Variants in HPSE2 observed in about 807,000 individuals in gnomAD.
HPSE2 encodes inactive heparanase-2.
In HPSE2, 38 loss-of-function variants were observed where a neutral mutation model predicts 60.5. The observed-to-expected ratio is 0.63, with a 90% CI of 0.48 to 0.82. The LOEUF is 0.82. HPSE2 is among the 40% of genes least tolerant of loss of function. The probability of loss-of-function intolerance (pLI) is 0.00; values close to 1 mark genes in which losing one functional copy is unlikely to be tolerated. For synonymous variants in HPSE2, 295 were observed against 293.2 expected, an observed-to-expected ratio of 1.01 and a Z score of -0.06; for missense variants, 713 against 740.4, an observed-to-expected ratio of 0.96 and a Z score of 0.43.
In HPSE2 at chr10:98,707,916, A is replaced by G. The variant is rs116833686; in HGVS notation, c.956+13741T>C. On this transcript the variant is annotated intron_variant, in intron 5 of 11. Transcript: ENST00000370552. ...GGGGCATTTATTGGATCTACCATAT[A>G]TTATCATGAAATTTGTAATGATTAA... is the stretch of plus-strand genomic sequence containing the variant. Among the ~76,000 whole-genome samples, 771 of 152,288 alleles carry G rather than the reference A, an allele frequency of 5.1e-3. 7 individuals are homozygous for G. Among genetic ancestry groups the G allele is most frequent in the African/African-American group, 0.017 (715 of 41,566 alleles).
chr10:98,462,608 T>C (rs1261143162), intron 11 of HPSE2, among the ~76,000 whole-genome samples: 1 of 152,212 alleles, frequency 6.6e-6, no homozygotes, highest in East Asian at 1.9e-4. Flanking sequence ...TTGGCTCCCA[T>C]GATATTTCTC....
At chr10:99,204,022 T>C (rs1848662441) in intron 2 of HPSE2, among the ~76,000 whole-genome samples, 1 of 152,190 alleles carries the variant, frequency 6.6e-6, no homozygotes, top group Middle Eastern at 3.4e-3. Flanking sequence ...GTGGATCTTA[T>C]AGACACAGAC....
chr10:98,937,025 G>T (rs1429071321), intron 3 of HPSE2, among the ~76,000 whole-genome samples: 1 of 136,590 alleles, frequency 7.3e-6, no homozygotes, highest in Non-Finnish European at 1.5e-5. Flanking sequence ...CAACTTTTTG[G>T]AAAATTTTAA....
chr10:99,310,550 A>C, the HPSE2 span, among the ~76,000 whole-genome samples: 1 of 152,000 alleles, frequency 6.6e-6, no homozygotes, highest in Admixed American at 6.5e-5. Context: ...TTTTAAAGAA[A>C]ATTGTTATAT....
intron 3 of HPSE2, among the ~76,000 whole-genome samples, chr10:98,853,998 A>G (rs1835657092): frequency 6.6e-6 from 1 of 152,186 alleles, no homozygotes; most frequent in South Asian, 2.1e-4. Context: ...AATAAGTAAT[A>G]CTTGTATGTC....
intron 9 of HPSE2, among the ~76,000 whole-genome samples, chr10:98,613,471 T>C (rs1414488491): frequency 1.3e-5 from 2 of 152,224 alleles, no homozygotes; most frequent in African/African-American, 4.8e-5. Context: ...CACCAAGTGA[T>C]ACAACAATTA....
At chr10:98,589,689 C>T (rs1056004456) in intron 9 of HPSE2, among the ~76,000 whole-genome samples, 2 of 152,196 alleles carry the variant, frequency 1.3e-5, no homozygotes, top group African/African-American at 4.8e-5. Context: ...TCCACAGTCA[C>T]ATCATATGAT....
intron 9 of HPSE2, among the ~76,000 whole-genome samples, chr10:98,589,718 C>G (rs887336504): frequency 1.1e-4 from 17 of 152,166 alleles, no homozygotes; most frequent in African/African-American, 4.1e-4. Flanking sequence ...CTGTCACCAT[C>G]CAGACTGCTC....
chr10:98,484,363 T>G (rs182964648), intron 10 of HPSE2, among the ~76,000 whole-genome samples: 1 of 152,132 alleles, frequency 6.6e-6, no homozygotes, highest in Admixed American at 6.5e-5. Context: ...TCAGCCTCCC[T>G]GGTAGCTGAG....
the HPSE2 span, among the ~76,000 whole-genome samples, chr10:99,246,239 G>GA: frequency 6.6e-6 from 1 of 152,246 alleles, no homozygotes; most frequent in East Asian, 1.9e-4. Context: ...TTATGGGGGG[G>GA]AAAATACAAG....
intron 2 of HPSE2, among the ~76,000 whole-genome samples, chr10:99,147,603 T>C (rs984044026): frequency 6.6e-6 from 1 of 152,172 alleles, no homozygotes; most frequent in African/African-American, 2.4e-5. Context: ...TTTATATTAA[T>C]AACAGTCAGA....
intron 5 of HPSE2, among the ~76,000 whole-genome samples, chr10:98,707,580 G>A (rs916799453): frequency 2.0e-5 from 3 of 152,070 alleles, no homozygotes; most frequent in African/African-American, 7.2e-5. Flanking sequence ...TTAAAGTACT[G>A]TTATTGTATT....
At chr10:98,937,731 G>A (rs1372386839) in intron 3 of HPSE2, among the ~76,000 whole-genome samples, 1 of 141,444 alleles carries the variant, frequency 7.1e-6, no homozygotes, top group Non-Finnish European at 1.5e-5. Flanking sequence ...TTTGAAGAGA[G>A]CAGTGGTTCT....
At chr10:99,016,369 T>C (rs1016739600) in intron 3 of HPSE2, among the ~76,000 whole-genome samples, 12 of 152,188 alleles carry the variant, frequency 7.9e-5, no homozygotes, top group African/African-American at 2.7e-4. Context: ...TTCCAAGTTC[T>C]GTATTTGGTT....
chr10:99,026,011 C>G (rs1025872391), intron 3 of HPSE2, among the ~76,000 whole-genome samples: 9 of 151,520 alleles, frequency 5.9e-5, no homozygotes, highest in Admixed American at 3.9e-4. Flanking sequence ...ATCATGTGAG[C>G]GGAGAAAATT....
chr10:98,653,552 A>T (rs1946977241), intron 6 of HPSE2, among the ~76,000 whole-genome samples: 1 of 151,582 alleles, frequency 6.6e-6, no homozygotes, highest in African/African-American at 2.4e-5. Flanking sequence ...AGAATTTCCA[A>T]TATACATTTT....
chr10:99,045,512 T>A (rs1035625534), intron 3 of HPSE2, among the ~76,000 whole-genome samples: 6 of 151,896 alleles, frequency 4.0e-5, no homozygotes, highest in Non-Finnish European at 7.4e-5. Context: ...GAAATTGAGA[T>A]GCAAAAATCC....
intron 3 of HPSE2, among the ~76,000 whole-genome samples, chr10:98,842,118 A>G (rs1054835368): frequency 6.6e-6 from 1 of 152,160 alleles, no homozygotes; most frequent in Non-Finnish European, 1.5e-5. Context: ...CACTCAATAA[A>G]TTTATTGAGT....
intron 11 of HPSE2, among the ~76,000 whole-genome samples, chr10:98,460,900 C>G (rs972952879): frequency 2.0e-5 from 3 of 152,162 alleles, no homozygotes; most frequent in Admixed American, 2.0e-4. Context: ...CAGCCATGCA[C>G]CCAGGTGGAA....
Sources: gnomAD v4.1 joint callset for allele counts (sites outside exome capture counted in the v4.1 genomes callset) on GRCh38, gnomAD v4.1.1 for gene constraint, MANE v1.5 for transcripts, NCBI Gene and HGNC (gene_info 2026-07-23, HGNC 2026-07-21) for gene names.